ABCA13: variants seen among roughly 807,000 people sequenced by gnomAD.
The protein encoded by ABCA13 is ATP binding cassette subfamily A member 13.
A neutral mutation model predicts 478.7 loss-of-function variants in ABCA13; 476 were observed. The ratio of observed to expected loss-of-function variants is 0.99; its 90% CI spans 0.92 to 1.07. The LOEUF is 1.07. ABCA13 is among the 50% of genes least tolerant of loss of function. The pLI is 0.00. For missense variants in ABCA13, 6,060 were observed against 5,910.6 expected (o/e 1.03, Z -0.83); for synonymous variants, 2,252 against 2,158.9 (o/e 1.04, Z -1.20).
chr7:48,639,175 G>C (rs2131678644), intron 59 of ABCA13, among the ~76,000 whole-genome samples: 1 of 152,300 alleles, frequency 6.6e-6, no homozygotes, highest in African/African-American at 2.4e-5. Context: ...TGAGGACTGA[G>C]ATTACAATGA....
chr7:48,399,174 T>C (rs1817256825), intron 38 of ABCA13, among the ~76,000 whole-genome samples: 1 of 152,128 alleles, frequency 6.6e-6, no homozygotes, highest in Non-Finnish European at 1.5e-5. Context: ...AATATGATAG[T>C]GTCAAAAAGG....
At chr7:48,335,557 C>T (rs1252491441) in intron 28 of ABCA13, 22 bp downstream of exon 28, 15 of 1,594,648 alleles carry the variant, frequency 9.4e-6, no homozygotes, top group Non-Finnish European at 1.3e-5. Context: ...GTCTTTGCCA[C>T]CGAGGGATGG....
At chr7:48,261,997 T>C (rs145532644) in intron 15 of ABCA13, among the ~76,000 whole-genome samples, 62 of 152,086 alleles carry the variant, frequency 4.1e-4, no homozygotes, top group African/African-American at 1.4e-3. Context: ...TCTTTTCTTT[T>C]AGGTGGTTCA....
At chr7:48,536,405 T>G (rs2131093859) in intron 55 of ABCA13, among the ~76,000 whole-genome samples, 1 of 152,310 alleles carries the variant, frequency 6.6e-6, no homozygotes, top group South Asian at 2.1e-4. Flanking sequence ...CCCAGCATTA[T>G]GGGAGGCCGA....
At chr7:48,510,773 A>G (rs932427796) in intron 50 of ABCA13, among the ~76,000 whole-genome samples, 4 of 152,080 alleles carry the variant, frequency 2.6e-5, no homozygotes, top group Non-Finnish European at 4.4e-5. Context: ...GATCTCCTCT[A>G]GAGACACCAG....
At chr7:48,613,677 A>G (rs1054860915) in intron 58 of ABCA13, among the ~76,000 whole-genome samples, 4 of 150,998 alleles carry the variant, frequency 2.6e-5, no homozygotes, top group South Asian at 2.1e-4. Context: ...TTAGTTGTAT[A>G]GAAAATATTT....
At position 48,274,409 on chromosome 7, in the gene ABCA13, T is replaced by G; in HGVS notation, c.4743T>G (p.Phe1581Leu). The change falls in exon 17 of 62, where the codon TTT becomes TTG. Residue 1581 changes from phenylalanine to leucine, a missense_variant. Physicochemically the swap from Phe to Leu is conservative, Grantham distance 22. Around this residue, in one of 3 missense-constraint regions of ABCA13, gnomAD observed 4,423 missense variants for 4,309.1 expected, o/e 1.03. Coordinates refer to ENST00000435803, the MANE Select transcript of ABCA13 (RefSeq NM_152701.5). ...SSKTENLLNI[F>L]ATSPKEKDVN... ...AAACTGAAAACTTGTTAAACATATT[T>G]GCCACCAGTCCAAAAGAAAAGGATG... The G allele has an allele frequency of 6.2e-7, 1 of 1,612,814 alleles. No individual in the cohort carries two copies. Among genetic ancestry groups the G allele is most frequent in the Non-Finnish European group, 8.5e-7 (1 of 1,179,532 alleles).
chr7:48,531,899 A>T (rs978813113), intron 55 of ABCA13, among the ~76,000 whole-genome samples: 22 of 151,880 alleles, frequency 1.4e-4, no homozygotes, highest in African/African-American at 5.1e-4. Flanking sequence ...AGTTTTCTGG[A>T]TGAGTCTTTA....
intron 55 of ABCA13, among the ~76,000 whole-genome samples, chr7:48,573,999 C>A (rs754918481): frequency 6.6e-6 from 1 of 151,838 alleles, no homozygotes; most frequent in Admixed American, 6.6e-5. Context: ...TCAGTCATAC[C>A]AGATTAAAGC....
intron 56 of ABCA13, among the ~76,000 whole-genome samples, 170 bp from the exon 57 acceptor site, chr7:48,586,984 C>T (rs940745972): frequency 6.6e-6 from 1 of 152,128 alleles, no homozygotes; most frequent in African/African-American, 2.4e-5. Context: ...TGTTCACTCT[C>T]AATTACTGCC....
chr7:48,463,255 G>C (rs191990958), intron 43 of ABCA13, among the ~76,000 whole-genome samples: 4 of 152,284 alleles, frequency 2.6e-5, no homozygotes, highest in Admixed American at 2.6e-4. Flanking sequence ...TGTTTTGACA[G>C]ATCAGATAAG....
intron 41 of ABCA13, among the ~76,000 whole-genome samples, chr7:48,423,599 C>A (rs1422993280): frequency 6.6e-6 from 1 of 152,124 alleles, no homozygotes; most frequent in African/African-American, 2.4e-5. Context: ...ACTGGGCTGT[C>A]ATAAATGCCT....
intron 3 of ABCA13, among the ~76,000 whole-genome samples, chr7:48,203,785 G>C (rs1386948114): frequency 6.6e-6 from 1 of 152,206 alleles, no homozygotes; most frequent in East Asian, 1.9e-4. Context: ...ACCTTCGGGA[G>C]GCGGATCGCC....
chr7:48,376,091 T>G (rs1297097928), intron 34 of ABCA13, among the ~76,000 whole-genome samples: 2 of 152,196 alleles, frequency 1.3e-5, no homozygotes. Flanking sequence ...AGAATTTGGG[T>G]TCTCAAGGAG....
chr7:48,480,435 T>C (rs1585520618), intron 45 of ABCA13, among the ~76,000 whole-genome samples: 1 of 152,268 alleles, frequency 6.6e-6, no homozygotes, highest in East Asian at 1.9e-4. Flanking sequence ...TCTGAAAGTG[T>C]TTGAGAAATG....
At chr7:48,598,227 T>A (rs1197421630) in intron 58 of ABCA13, among the ~76,000 whole-genome samples, 1 of 152,160 alleles carries the variant, frequency 6.6e-6, no homozygotes, top group Admixed American at 6.5e-5. Context: ...CTTTTTTCAT[T>A]TAGTTTCTCC....
In ABCA13 at chr7:48,441,835, T is replaced by A. The variant is rs112920588; in HGVS notation, c.12566-13202T>A. Among the ~76,000 whole-genome samples the A allele has an allele frequency of 7.2e-5, 11 of 152,270 alleles. 1 individual carries two copies. Among genetic ancestry groups the A allele is most frequent in the African/African-American group, 2.6e-4 (11 of 41,554 alleles). The stretch of plus-strand genomic sequence containing the variant: ...GTGTTGAGAGCCCTGTTACTAAGAA[T>A]CTACTATAGAGACTGCGAACTCTAA... On this transcript the variant is annotated intron_variant, in intron 42 of 61. Transcript: ENST00000435803.
At chr7:48,399,282 G>T (rs1321878353) in intron 38 of ABCA13, among the ~76,000 whole-genome samples, 2 of 152,208 alleles carry the variant, frequency 1.3e-5, no homozygotes, top group African/African-American at 2.4e-5. Flanking sequence ...GAATGCCCCA[G>T]TAGAGAATGA....
rs200031125 is a variant in ABCA13 at position 48,287,981 on chromosome 7, A to T, written c.8858A>T (p.Asp2953Val). The change falls in exon 20 of 62, where the codon GAC (aspartate) becomes GTC (valine). Residue 2953 changes from aspartate to valine, a missense_variant. Physicochemically the swap from Asp to Val is radical, Grantham distance 152 (BLOSUM62 -3). Around this residue, in one of 3 missense-constraint regions of ABCA13, gnomAD observed 4,423 missense variants for 4,309.1 expected, o/e 1.03. Transcript: ENST00000435803. ...GCAGAAAACCCTTCCTGGACCAAGG[A>T]CATTTTGTGTGCTACTCTGAGTTGC... ...IVAENPSWTK[D>V]ILCATLSCKQ... The T allele has an allele frequency of 2.5e-6, 4 of 1,613,920 alleles. No homozygotes were observed. The highest frequency in any genetic ancestry group is 1.6e-4 in the Middle Eastern group (1 of 6,062).
Sources: allele counts gnomAD v4.1 joint callset (sites outside exome capture counted in the v4.1 genomes callset), GRCh38; gene constraint gnomAD v4.1.1; regional missense constraint gnomAD v4.1.1; transcripts MANE v1.5; gene names NCBI Gene and HGNC (gene_info 2026-07-23, HGNC 2026-07-21).